The following HSPG2 variants were observed in gnomAD, a reference collection of about 807,000 sequenced individuals.
HSPG2 encodes the protein heparan sulfate proteoglycan 2.
A neutral mutation model predicts 526.6 loss-of-function variants in HSPG2; 278 were observed. The observed-to-expected ratio is 0.53, with a 90% confidence interval of 0.48 to 0.58. The LOEUF is 0.58. Among genes scored for constraint, HSPG2 ranks in the 20% least tolerant of loss-of-function variants. HSPG2 has a pLI of 0.00. For missense variants in HSPG2, 5,354 were observed against 6,099.5 expected, an observed-to-expected ratio of 0.88 and a Z score of 4.07; for synonymous variants, 2,465 against 2,555.4, an observed-to-expected ratio of 0.96 and a Z score of 1.07.
At position 21,880,802 on chromosome 1, in the gene HSPG2, C is replaced by T. The variant is rs757543686; in HGVS notation, c.1852G>A (p.Val618Met). The T allele has an allele frequency of 1.7e-5, 27 of 1,595,592 alleles. No individual in the cohort carries two copies. Among genetic ancestry groups the T allele is most frequent in the African/African-American group, 1.2e-4 (9 of 74,610 alleles). Residue 618 changes from valine (V) to methionine (M), a missense_variant, in exon 15 of 97, where the codon GTG becomes ATG. Transcript: ENST00000374695. ...DSYGGSLRYN[V>M]RYELARGMLE... ...ATGCCACGGGCCAACTCGTAGCGCA[C>T]GTTGTAACGCAGGGAGCCGCCATAG...
Position 21,895,785 on chromosome 1 carries a change from C to T in HSPG2, c.244+137G>A. On this transcript the variant is annotated intron_variant, in intron 3 of 96. Transcript: ENST00000374695. The surrounding 1 kb of genome is among the most constrained non-coding windows in gnomAD (Gnocchi z 4.1). ...ATCAGTCTGCACAACTGTCACTCAG[C>T]AGGTTAAGAGATCACACCCACTTCT... is the stretch of plus-strand genomic sequence containing the variant. 1 of 799,636 alleles carries T rather than the reference C, an allele frequency of 1.3e-6. No individual in the cohort carries two copies. The highest frequency in any genetic ancestry group is 1.7e-5 in the African/African-American group (1 of 59,134). 49.5% of individuals were successfully genotyped at this position (799,636 alleles called of 1,614,324 possible).
rs1393101824 is a variant in HSPG2 at position 21,872,757 on chromosome 1, G to A, written c.3892C>T (p.Gln1298Ter). 13 of 1,608,238 alleles carry A rather than the reference G, an allele frequency of 8.1e-6. No individual in the cohort carries two copies. The highest frequency in any genetic ancestry group is 9.3e-6 in the Non-Finnish European group (11 of 1,178,142). ...DAAGQCQCKA[Q>*]VEGLTCSHCR... ...TGGCTGCAAGTGAGGCCTTCCACCT[G>A]GGCCTGGGTAGACGGATGGAAGGAG... is the stretch of plus-strand genomic sequence containing the variant. Residue 1298 changes from glutamine (Q) to a stop codon, truncating the protein, a stop_gained, in exon 32 of 97, where the codon CAG becomes TAG. Coordinates refer to ENST00000374695, the MANE Select transcript of HSPG2 (RefSeq NM_005529.7). LOFTEE classifies it high-confidence loss of function. This position sits in a 1 kb window ranked among gnomAD's most constrained non-coding sequence, Gnocchi z 5.5.
rs1336999075 is a variant in HSPG2, at chr1:21,865,800, A to G, written c.4231T>C (p.Tyr1411His). The G allele has an allele frequency of 6.2e-7, 1 of 1,613,506 alleles. No individual in the cohort carries two copies. Among genetic ancestry groups the G allele is most frequent in the Admixed American group, 1.7e-5 (1 of 60,010 alleles). ...AGGGTGTATCGCAACTTCCCACCGT[A>G]GGCCGCCACCTGCAAAGAGGCAAGC... The part of the protein sequence containing the change: ...ETYQGDKVAA[Y>H]GGKLRYTLSY... The change falls in exon 34 of 97, where the codon TAC (tyrosine) becomes CAC (histidine). Residue 1411 changes from tyrosine to histidine, a missense_variant. Tyr to His is a moderately conservative substitution (Grantham distance 83). Transcript: ENST00000374695. The surrounding 1 kb of genome is among the most constrained non-coding windows in gnomAD (Gnocchi z 5.4).
At chr1:21,841,427 A>G (rs1409128992) in intron 70 of HSPG2, 112 bp downstream of exon 70, 1 of 1,564,436 alleles carries the variant, frequency 6.4e-7, no homozygotes, top group African/African-American at 1.4e-5. Flanking sequence ...TCAGAGAGGG[A>G]GAATGCCCAA....
At chr1:21,908,589 TAAA>T (rs75768483) in intron 1 of HSPG2, 39 of 568,602 alleles carry the variant, frequency 6.9e-5, no homozygotes, top group South Asian at 1.4e-4. Context: ...AATAGGTATT[TAAA>T]AAAAAAAAAA....
intron 13 of HSPG2, among the ~76,000 whole-genome samples, chr1:21,881,851 C>A (rs1456722082): frequency 7.0e-6 from 1 of 142,878 alleles, no homozygotes; most frequent in East Asian, 2.1e-4. Flanking sequence ...GCTGAGACAG[C>A]AGAATCACTT....
At chr1:21,840,086 GCTTGGT>G (rs2152704089) in intron 71 of HSPG2, 69 bp from the exon 72 acceptor site, 1 of 1,363,588 alleles carries the variant, frequency 7.3e-7, no homozygotes, top group South Asian at 1.2e-5. Context: ...CCCAGCTCTG[GCTTGGT>G]CTTCCCTATT....
chr1:21,870,307 GTGCGGT>G, intron 33 of HSPG2: 1 of 985,944 alleles, frequency 1.0e-6, no homozygotes, highest in South Asian at 4.7e-5. Flanking sequence ...TGAGAGGGAT[GTGCGGT>G]TCTGATGAAA....
intron 29 of HSPG2, 78 bp downstream of exon 29, chr1:21,873,847 G>T: frequency 7.9e-7 from 1 of 1,268,722 alleles, no homozygotes; most frequent in Non-Finnish European, 1.1e-6. Flanking sequence ...CTCTGGGTTG[G>T]GAGCGCTGGG....
chr1:21,835,738 C>T, intron 75 of HSPG2, 101 bp from the exon 76 acceptor site: 1 of 826,166 alleles, frequency 1.2e-6, no homozygotes, highest in Admixed American at 2.0e-5. Context: ...AATCCCAGCA[C>T]TTTGGGAGGC....
chr1:21,909,912 C>T (rs891319962), intron 1 of HSPG2, among the ~76,000 whole-genome samples: 1 of 152,234 alleles, frequency 6.6e-6, no homozygotes, highest in East Asian at 1.9e-4. Flanking sequence ...GGCACAGAGC[C>T]GTCCCTGGGA....
Position 21,829,017 on chromosome 1 carries a change from C to T in HSPG2, c.12055G>A (p.Glu4019Lys). The change falls in exon 88 of 97, where the codon GAG (glutamate) becomes AAG (lysine). Residue 4019 changes from glutamate (E) to lysine (K), a missense_variant. Glu to Lys is a moderately conservative substitution (Grantham distance 56). Coordinates refer to ENST00000374695, the MANE Select transcript of HSPG2 (RefSeq NM_005529.7). The part of the protein sequence containing the change: ...ALGRWHRVSA[E>K]RLNKDGSLRV... The stretch of plus-strand genomic sequence containing the variant: ...AGGCTGCCGTCCTTGTTGAGACGCT[C>T]TGCAGACACACGGTGCCAGCGGCCC... 6.4e-7 allele frequency: 1 copy of T among 1,558,982 alleles called. No individual in the cohort carries two copies. Among genetic ancestry groups the T allele is most frequent in the Non-Finnish European group, 8.7e-7 (1 of 1,152,278 alleles).
At chr1:21,869,743 C>A (rs56013780) in intron 33 of HSPG2, 1 of 985,826 alleles carries the variant, frequency 1.0e-6, no homozygotes, top group Non-Finnish European at 1.2e-6. Flanking sequence ...CACCTCCCCA[C>A]GGGCCCAGCC....
chr1:21,873,037 A>C lies in HSPG2; in HGVS notation c.3848T>G (p.Val1283Gly). Reference sequence around the variant, plus strand: ...ACCAGCAGCATCACACTGGCTGCTGACGCTGCCTTGGGGGTCACAGTTGCA... The same window carrying C: ...ACCAGCAGCATCACACTGGCTGCTGCCGCTGCCTTGGGGGTCACAGTTGCA... Reference protein sequence around the residue: ...IGCNCDPQGSVSSQCDAAGQC... With the variant: ...IGCNCDPQGSGSSQCDAAGQC... The change falls in exon 31 of 97, where the codon GTC (valine) becomes GGC (glycine). Residue 1283 changes from valine (V) to glycine (G), a missense_variant. By Grantham distance (109) the Val-to-Gly change is moderately radical (BLOSUM62 -3). Transcript: ENST00000374695. 3 of 1,606,872 alleles carry C rather than the reference A, an allele frequency of 1.9e-6. No individual in the cohort carries two copies. The highest frequency in any genetic ancestry group is 1.1e-5 in the South Asian group (1 of 91,082).
intron 44 of HSPG2, 133 bp from the exon 45 acceptor site, chr1:21,856,045 G>A (rs1277314725): frequency 7.9e-7 from 1 of 1,268,696 alleles, no homozygotes; most frequent in Non-Finnish European, 1.1e-6. Flanking sequence ...GAGCCAGAGG[G>A]AGCTTGGGAA....
rs2098001844 is a variant in HSPG2, at chr1:21,831,100, A to G, written c.11563-10T>C. 2 of 1,607,820 alleles carry G rather than the reference A, an allele frequency of 1.2e-6. No individual in the cohort carries two copies. The highest frequency in any genetic ancestry group is 1.7e-6 in the Non-Finnish European group (2 of 1,176,534). ...GGCACTGACCGCCATTCTGCAAAGCAGCCCCCAGAAGTAAGGCCGAGAACA... is the reference window on the plus strand; with the variant it reads ...GGCACTGACCGCCATTCTGCAAAGCGGCCCCCAGAAGTAAGGCCGAGAACA... On this transcript the variant is annotated splice_polypyrimidine_tract_variant and intron_variant, in intron 84 of 96. Coordinates refer to ENST00000374695, the MANE Select transcript of HSPG2 (RefSeq NM_005529.7).
chr1:21,870,554 G>C (rs1386093572), intron 33 of HSPG2, among the ~76,000 whole-genome samples: 1 of 152,238 alleles, frequency 6.6e-6, no homozygotes, highest in Non-Finnish European at 1.5e-5. Context: ...CGGGGGGCTA[G>C]ATACAGTCAT....
intron 1 of HSPG2, among the ~76,000 whole-genome samples, chr1:21,933,661 C>T (rs1274986447): frequency 6.6e-6 from 1 of 152,244 alleles, no homozygotes; most frequent in Non-Finnish European, 1.5e-5. Flanking sequence ...GCCACAACTC[C>T]CCAGACAGGG....
chr1:21,883,981 C>T (rs1458787782), intron 13 of HSPG2, among the ~76,000 whole-genome samples: 5 of 152,238 alleles, frequency 3.3e-5, no homozygotes, highest in Non-Finnish European at 7.3e-5. Context: ...CTGGAGGCCA[C>T]CCTCAGGCCA....
Sources: allele counts gnomAD v4.1 joint callset (sites outside exome capture counted in the v4.1 genomes callset), GRCh38; gene constraint gnomAD v4.1.1; non-coding constraint Gnocchi (gnomAD v3.1); transcripts MANE v1.5; gene names NCBI Gene and HGNC (gene_info 2026-07-23, HGNC 2026-07-21).